NUBP2: variants seen among roughly 807,000 people sequenced by gnomAD.
The protein encoded by NUBP2 is cytosolic Fe-S cluster assembly factor NUBP2.
In NUBP2, 23 loss-of-function variants were observed where a neutral mutation model predicts 24.9. That is an observed-to-expected ratio of 0.92 (90% CI 0.66 to 1.31). NUBP2 has a LOEUF of 1.31. Ranked by LOEUF, NUBP2 falls within the 50% of genes most tolerant of loss-of-function variation. The probability of loss-of-function intolerance (pLI) is 0.00; values close to 1 mark genes in which losing one functional copy is unlikely to be tolerated. For synonymous variants in NUBP2, 186 were observed against 170.9 expected, an observed-to-expected ratio of 1.09 and a Z score of -0.69; for missense variants, 403 against 386.5, an observed-to-expected ratio of 1.04 and a Z score of -0.36.
chr16:1,783,147 C>T (rs1340862080), intron 1 of NUBP2, 111 bp downstream of exon 1: 2 of 1,199,926 alleles, frequency 1.7e-6, no homozygotes, highest in East Asian at 3.5e-5. Context: ...CGACCATCAC[C>T]GGCCGGCGTG....
chr16:1,788,850 C>T lies in NUBP2; in HGVS notation c.*136C>T, dbSNP rs1408199853. ...CAGCGTCAGCCGGAGAGCTTCTCCC[C>T]GACCAGCCCAGCCCCAGGATGTGTC... On this transcript the variant is annotated 3_prime_UTR_variant, in exon 7 of 7. Transcript: ENST00000262302. 26 of 1,136,426 alleles carry T rather than the reference C, an allele frequency of 2.3e-5. No individual in the cohort carries two copies. Among genetic ancestry groups the T allele is most frequent in the South Asian group, 1.9e-4 (11 of 57,640 alleles). The allele number at this position is 1,136,426 out of a possible 1,614,324, so 70.4% of individuals were successfully genotyped here.
intron 3 of NUBP2, chr16:1,787,156 G>A (rs758211144): frequency 1.5e-5 from 8 of 522,776 alleles, no homozygotes; most frequent in Admixed American, 3.5e-5. Context: ...CCCAACTCCC[G>A]GTCAGAGGGA....
At position 1,783,031 on chromosome 16, in the gene NUBP2, C is replaced by A; in HGVS notation, c.11C>A (p.Ala4Glu). The stretch of plus-strand genomic sequence containing the variant: ...CCTGGAGGCGGCGGGATGGAGGCGG[C>A]GGCCGGTGAGTGGCGGGCCAGGGTG... Reference protein sequence around the residue: MEAAAEPGNLAGVR... With the variant: MEAEAEPGNLAGVR... Residue 4 changes from alanine (A) to glutamate (E), a missense_variant, in exon 1 of 7, where the codon GCG (alanine) becomes GAG (glutamate). Coordinates refer to ENST00000262302, the MANE Select transcript of NUBP2 (RefSeq NM_012225.4). The A allele has an allele frequency of 7.3e-7, 1 of 1,366,002 alleles. No homozygotes were observed. The highest frequency in any genetic ancestry group is 1.6e-5 in the South Asian group (1 of 62,964). The allele number at this position is 1,366,002 out of a possible 1,614,324, so 84.6% of individuals were successfully genotyped here.
intron 1 of NUBP2, 55 bp downstream of exon 1, chr16:1,783,091 C>CGCGTCCCTTCCCGGGGCGGCCTCGCT: frequency 3.3e-6 from 4 of 1,228,870 alleles, no homozygotes; most frequent in African/African-American, 1.6e-5. Flanking sequence ...GGGGCCCCGC[C>CGCGTCCCTTCCCGGGGCGGCCTCGCT]GCGTCCCTTC....
At chr16:1,783,489 C>G (rs1199748577) in intron 1 of NUBP2, 3 of 990,262 alleles carry the variant, frequency 3.0e-6, no homozygotes, top group African/African-American at 3.5e-5. Context: ...AAGTGGCGCT[C>G]TCAGTGTTCA....
chr16:1,787,230 TA>T (rs1216389996), intron 3 of NUBP2: 8 of 434,540 alleles, frequency 1.8e-5, no homozygotes, highest in African/African-American at 7.9e-5. Flanking sequence ...TGGCAGGTCA[TA>T]GGGGCAGAGC....
At position 1,788,060 on chromosome 16, in the gene NUBP2, CG is replaced by C; in HGVS notation, c.600+14del. 1 of 1,578,056 alleles carries C rather than the reference CG, an allele frequency of 6.3e-7. No individual in the cohort carries two copies. The highest frequency in any genetic ancestry group is 8.6e-7 in the Non-Finnish European group (1 of 1,165,158). ...CCTGCCCACACTGCACGGTGAGTCC[CG>C]GGGGTTGCAGAGGGGGCGAGGCAGC... On this transcript the variant is annotated intron_variant, in intron 5 of 6. Coordinates refer to ENST00000262302, the MANE Select transcript of NUBP2 (RefSeq NM_012225.4).
In NUBP2 at chr16:1,786,895, G is replaced by A. The variant is rs752514400; in HGVS notation, c.274G>A (p.Val92Met). The A allele has an allele frequency of 6.4e-7, 1 of 1,560,502 alleles. No homozygotes were observed. The highest frequency in any genetic ancestry group is 8.7e-7 in the Non-Finnish European group (1 of 1,147,720). The change falls in exon 3 of 7, where the codon GTG becomes ATG. Residue 92 changes from valine (V) to methionine (M), a missense_variant. Coordinates refer to ENST00000262302, the MANE Select transcript of NUBP2 (RefSeq NM_012225.4). ...GGAGCAGAGCATCTCGCTCATGTCT[G>A]TGGGCTTCCTGCTGGAGAAGCCGGA... ...DREQSISLMS[V>M]GFLLEKPDEA... is the part of the protein sequence containing the mutation.
chr16:1,787,016 C>T lies in NUBP2; in HGVS notation c.334+61C>T, dbSNP rs539924873. 9 of 1,413,454 alleles carry T rather than the reference C, an allele frequency of 6.4e-6. No homozygotes were observed. The South Asian group carries it at 9.0e-5, about 14-fold the overall frequency. The allele number at this position is 1,413,454 out of a possible 1,614,324, so 87.6% of individuals were successfully genotyped here. A position where few individuals can be genotyped will look rare whatever the true frequency, so the allele number is the denominator to read the frequency against. Reference sequence around the variant, plus strand: ...AGGGGGTTAGCGTCCGTGCCGGCCTCTCCTGTGGAAATGTTCCTCTTCAGC... The same window carrying T: ...AGGGGGTTAGCGTCCGTGCCGGCCTTTCCTGTGGAAATGTTCCTCTTCAGC... On this transcript the variant is annotated intron_variant, in intron 3 of 6. Transcript: ENST00000262302.
At chr16:1,785,140 T>C (rs1420439922) in intron 1 of NUBP2, 2 of 990,964 alleles carry the variant, frequency 2.0e-6, no homozygotes, top group Non-Finnish European at 2.4e-6. Flanking sequence ...TGACCGGGAC[T>C]CATTGTCCAT....
At chr16:1,785,755 C>T (rs1244004738) in intron 1 of NUBP2, 1 of 1,289,110 alleles carries the variant, frequency 7.8e-7, no homozygotes, top group East Asian at 5.5e-5. Context: ...GACTTGGGAG[C>T]CTTTGAACGT....
Position 1,782,987 on chromosome 16 carries a change from C to T in NUBP2, c.-34C>T, listed in dbSNP as rs1390603657. On this transcript the variant is annotated 5_prime_UTR_variant, in exon 1 of 7. Transcript: ENST00000262302. ...GAGGCTGACGGCCCGCGGGCGTAAGCGGACTGCAGCCGCGAGCTCCTGGAG... is the reference window on the plus strand; with the variant it reads ...GAGGCTGACGGCCCGCGGGCGTAAGTGGACTGCAGCCGCGAGCTCCTGGAG... 4.3e-5 allele frequency: 61 copies of T among 1,405,178 alleles called. No individual in the cohort carries two copies. Among genetic ancestry groups the T allele is most frequent in the Middle Eastern group, 1.8e-4 (1 of 5,524 alleles). 87.0% of individuals were successfully genotyped at this position (1,405,178 alleles called of 1,614,324 possible). A position where few individuals can be genotyped will look rare whatever the true frequency, so the allele number is the denominator to read the frequency against.
intron 3 of NUBP2, 81 bp from the exon 4 acceptor site, chr16:1,787,596 A>C: frequency 6.4e-7 from 1 of 1,556,428 alleles, no homozygotes; most frequent in African/African-American, 1.4e-5. Flanking sequence ...CCTCGGCCTG[A>C]CCTGGCTGGT....
rs1345723048 is a variant in NUBP2 at position 1,787,785 on chromosome 16, T to C, written c.443T>C (p.Leu148Pro). The change falls in exon 4 of 7, where the codon CTG (leucine) becomes CCG (proline). Residue 148 changes from leucine to proline, a missense_variant. Coordinates refer to ENST00000262302, the MANE Select transcript of NUBP2 (RefSeq NM_012225.4). ...GAGCACATGGCCACCATAGAAGCCC[T>C]GCGTCCCTACCAGCCCCTGGGGGCC... is the stretch of plus-strand genomic sequence containing the variant. The part of the protein sequence containing the change: ...SDEHMATIEA[L>P]RPYQPLGALV... 4 of 1,612,250 alleles carry C rather than the reference T, an allele frequency of 2.5e-6. No individual in the cohort carries two copies. The highest frequency in any genetic ancestry group is 3.4e-6 in the Non-Finnish European group (4 of 1,179,892).
chr16:1,785,793 C>T (rs764657366), intron 1 of NUBP2: 2 of 1,289,120 alleles, frequency 1.6e-6, no homozygotes, highest in East Asian at 1.1e-4. Context: ...CAGAAGGGGG[C>T]AGGTTTTACG....
At position 1,787,959 on chromosome 16, in the gene NUBP2, G is replaced by C. The variant is rs200701229; in HGVS notation, c.508G>C (p.Val170Leu). The C allele has an allele frequency of 1.2e-6, 2 of 1,604,786 alleles. No individual in the cohort carries two copies. Among genetic ancestry groups the C allele is most frequent in the South Asian group, 1.1e-5 (1 of 90,612 alleles). The change falls in exon 5 of 7, where the codon GTG becomes CTG. Residue 170 changes from valine to leucine, a missense_variant. Coordinates refer to ENST00000262302, the MANE Select transcript of NUBP2 (RefSeq NM_012225.4). ...TTPQAVSVGD[V>L]RRELTFCRKT... ...CCCGCAGGCGGTGTCCGTGGGGGAC[G>C]TGAGGCGCGAGCTGACCTTCTGTAG... is the stretch of plus-strand genomic sequence containing the variant.
At position 1,788,049 on chromosome 16, in the gene NUBP2, A is replaced by T. The variant is rs57822546; in HGVS notation, c.598A>T (p.Thr200Ser). 15 of 1,589,536 alleles carry T rather than the reference A, an allele frequency of 9.4e-6. No homozygotes were observed. In the African/African-American group the frequency reaches 1.8e-4, roughly 19 times the overall value. Residue 200 changes from threonine to serine, a missense_variant and splice_region_variant, in exon 5 of 7, where the codon ACG (threonine) becomes TCG (serine). Physicochemically the swap from Thr to Ser is moderately conservative, Grantham distance 58 (BLOSUM62 1). Transcript: ENST00000262302. ...NMSGFTCPHC[T>S]ECTSVFSRGG... ...GAGCGGCTTCACCTGCCCACACTGC[A>T]CGGTGAGTCCCGGGGGTTGCAGAGG...
Position 1,788,063 on chromosome 16 carries a change from G to C in NUBP2, c.600+12G>C. 1.3e-6 allele frequency: 2 copies of C among 1,575,860 alleles called. No homozygotes were observed. The highest frequency in any genetic ancestry group is 1.4e-5 in the African/African-American group (1 of 72,980). ...GCCCACACTGCACGGTGAGTCCCGG[G>C]GGTTGCAGAGGGGGCGAGGCAGCAC... On this transcript the variant is annotated intron_variant, in intron 5 of 6. Coordinates refer to ENST00000262302, the MANE Select transcript of NUBP2 (RefSeq NM_012225.4).
intron 1 of NUBP2, 128 bp downstream of exon 1, chr16:1,783,164 C>T: frequency 8.4e-7 from 1 of 1,191,624 alleles, no homozygotes. Context: ...CGTGGCTGGG[C>T]CGGGCCAGAG....
Sources: allele counts gnomAD v4.1 joint callset, GRCh38; gene constraint gnomAD v4.1.1; transcripts MANE v1.5; gene names NCBI Gene and HGNC (gene_info 2026-07-23, HGNC 2026-07-21).